Variants in CELF2 observed in about 807,000 individuals in gnomAD.
CELF2 encodes the protein CUG triplet repeat RNA-binding protein 2.
Under a neutral mutation model 62.6 loss-of-function variants are expected in CELF2, and 8 were observed. The observed-to-expected ratio is 0.13, with a 90% CI of 0.07 to 0.23. The LOEUF (loss-of-function observed/expected upper bound fraction) is 0.23, where lower values mean the gene tolerates loss of function less well. Ranked by LOEUF, CELF2 falls within the 10% of genes least tolerant of loss-of-function variation. The pLI, the probability that CELF2 is intolerant of heterozygous loss-of-function variation, is 1.00. For missense variants in CELF2, 333 were observed against 671.0 expected, an observed-to-expected ratio of 0.50 and a Z score of 5.56; for synonymous variants, 258 against 250.0, an observed-to-expected ratio of 1.03 and a Z score of -0.30.
At chr10:10,536,520 C>T in the CELF2 span, among the ~76,000 whole-genome samples, 1 of 152,202 alleles carries the variant, frequency 6.6e-6, no homozygotes, top group African/African-American at 2.4e-5. Context: ...AATCTCAAGA[C>T]ACTGATGAAG....
chr10:10,774,121 A>C, the CELF2 span, among the ~76,000 whole-genome samples: 1 of 152,244 alleles, frequency 6.6e-6, no homozygotes, highest in African/African-American at 2.4e-5. Context: ...AGAGATTTCC[A>C]TAAAGGATTT....
chr10:10,836,575 G>A, intron 1 of CELF2, among the ~76,000 whole-genome samples: 1 of 152,192 alleles, frequency 6.6e-6, no homozygotes, highest in Non-Finnish European at 1.5e-5. Flanking sequence ...TTAATTCTGT[G>A]ATTTTCTTAC....
chr10:10,824,712 C>T lies in CELF2; in HGVS notation c.53+25895C>T, dbSNP rs76134628. Among the ~76,000 whole-genome samples, 121 of 152,358 alleles carry T rather than the reference C, an allele frequency of 7.9e-4. 2 individuals are homozygous for T. The East Asian group carries it at 0.022, about 27-fold the overall frequency. On this transcript the variant is annotated intron_variant, in intron 1 of 13. Transcript: ENST00000636488. ...TATTTAGTCTCTGTTGCTGCACAGA[C>T]TGTGCGTGAATTGCAGCCAGAGGTC...
At position 11,318,521 on chromosome 10, in the gene CELF2, A is replaced by C; in HGVS notation, c.1097-2668A>C. The C allele has an allele frequency of 2.8e-6, 1 of 351,390 alleles. No homozygotes were observed. 21.8% of individuals were successfully genotyped at this position (351,390 alleles called of 1,614,324 possible). A position where few individuals can be genotyped will look rare whatever the true frequency, so the allele number is the denominator to read the frequency against. On this transcript the variant is annotated intron_variant, in intron 10 of 12. Coordinates refer to ENST00000633077, the MANE Select transcript of CELF2 (RefSeq NM_001326342.2). The surrounding 1 kb of genome is among the most constrained non-coding windows in gnomAD (Gnocchi z 5.4). ...ACACGACCCTTCCAGAAAGCAGATT[A>C]GCTCTGAGGTGTAGTCCAGAGACAC...
In CELF2 at chr10:10,844,557, A is replaced by G. The variant is rs144796471; in HGVS notation, c.53+45740A>G. ...CCATTTGCAGTTTTATCCCAGAAAA[A>G]TGAAGAGTGTGGGGAAACTAGCAAA... On this transcript the variant is annotated intron_variant, in intron 1 of 13. Transcript: ENST00000636488. 1.1e-3 allele frequency among the ~76,000 whole-genome samples: 168 copies of G among 152,224 alleles called. 1 individual carries two copies. Among genetic ancestry groups the G allele is most frequent in the African/African-American group, 3.7e-3 (154 of 41,568 alleles).
At chr10:10,942,213 A>C (rs187576699) in intron 2 of CELF2, among the ~76,000 whole-genome samples, 1 of 152,310 alleles carries the variant, frequency 6.6e-6, no homozygotes. Context: ...TATAAAAATG[A>C]TTCCAAAAGT....
In CELF2 at chr10:11,334,835, G is replaced by C. The variant is rs150298098; in HGVS notation, c.*5782G>C. 1.3e-5 allele frequency: 2 copies of C among 152,218 alleles called. No individual in the cohort carries two copies. The highest frequency in any genetic ancestry group is 3.9e-4 in the East Asian group (2 of 5,184). The allele number at this position is 152,218 out of a possible 1,614,324, so 9.4% of individuals were successfully genotyped here. A position where few individuals can be genotyped will look rare whatever the true frequency, so the allele number is the denominator to read the frequency against. ...CTTTCTAAAAGAAGTGAGTTCTCCA[G>C]GGAAGAAAAATCAACTTAGCCAGTG... On this transcript the variant is annotated 3_prime_UTR_variant, in exon 13 of 13. Coordinates refer to ENST00000633077, the MANE Select transcript of CELF2 (RefSeq NM_001326342.2).
chr10:10,556,080 G>C, the CELF2 span, among the ~76,000 whole-genome samples: 1 of 151,894 alleles, frequency 6.6e-6, no homozygotes, highest in African/African-American at 2.4e-5. Flanking sequence ...TGTGCACATT[G>C]TGCAGGTTAG....
intron 2 of CELF2, among the ~76,000 whole-genome samples, chr10:10,989,519 G>A (rs931677206): frequency 6.6e-6 from 1 of 151,994 alleles, no homozygotes; most frequent in South Asian, 2.1e-4. Flanking sequence ...TAATTATGTT[G>A]TATCTTCACC....
the CELF2 span, among the ~76,000 whole-genome samples, chr10:10,791,276 G>A: frequency 6.6e-6 from 1 of 150,936 alleles, no homozygotes; most frequent in African/African-American, 2.4e-5. Flanking sequence ...ATTGAGTGTG[G>A]TAAACTAGCA....
chr10:10,900,151 T>A (rs1367605643), intron 1 of CELF2, among the ~76,000 whole-genome samples: 3 of 151,854 alleles, frequency 2.0e-5, no homozygotes, highest in Admixed American at 6.6e-5. Context: ...ACCAAATATT[T>A]AAAAAAAGAA....
chr10:11,162,261 A>G (rs376600644), intron 1 of CELF2, among the ~76,000 whole-genome samples: 2 of 149,444 alleles, frequency 1.3e-5, no homozygotes, highest in African/African-American at 2.5e-5. Flanking sequence ...GAGAGTGGTC[A>G]ATGGGACAGG....
intron 2 of CELF2, among the ~76,000 whole-genome samples, chr10:11,203,553 G>A (rs761678355): frequency 6.6e-6 from 1 of 152,208 alleles, no homozygotes; most frequent in African/African-American, 2.4e-5. Flanking sequence ...ATCAGGCCAG[G>A]CTTTATCGGG....
At chr10:10,965,259 C>A (rs1454136188) in intron 2 of CELF2, among the ~76,000 whole-genome samples, 1 of 152,100 alleles carries the variant, frequency 6.6e-6, no homozygotes, top group Non-Finnish European at 1.5e-5. Flanking sequence ...ACTGTCCTTT[C>A]AGTTTTCTGT....
chr10:11,326,365 A>C (rs1370545065), intron 12 of CELF2, among the ~76,000 whole-genome samples: 2 of 152,256 alleles, frequency 1.3e-5, no homozygotes, highest in Admixed American at 1.3e-4. Context: ...CCCATTCATC[A>C]GCACCAACAC....
intron 1 of CELF2, among the ~76,000 whole-genome samples, chr10:10,801,291 TA>T: frequency 6.6e-6 from 1 of 152,244 alleles, no homozygotes; most frequent in Non-Finnish European, 1.5e-5. Flanking sequence ...TAACTGTGTG[TA>T]ATCCTTTTCT....
chr10:10,533,304 G>A, the CELF2 span, among the ~76,000 whole-genome samples: 1 of 152,126 alleles, frequency 6.6e-6, no homozygotes, highest in Non-Finnish European at 1.5e-5. Flanking sequence ...ATTTTTAAGG[G>A]TCAAGGGGAG....
In CELF2 at chr10:11,290,982, G is replaced by C. The variant is rs1305482975; in HGVS notation, c.976+2430G>C. ...ACTTTTTGAAAGTCACAGAAAATGT[G>C]GTTAGTAGAATTCATGAATCTCCAC... On this transcript the variant is annotated intron_variant, in intron 9 of 12. Coordinates refer to ENST00000633077, the MANE Select transcript of CELF2 (RefSeq NM_001326342.2). The surrounding 1 kb of genome is among the most constrained non-coding windows in gnomAD (Gnocchi z 4.3). Among the ~76,000 whole-genome samples, 1 of 152,150 alleles carries C rather than the reference G, an allele frequency of 6.6e-6. No homozygotes were observed. The highest frequency in any genetic ancestry group is 1.5e-5 in the Non-Finnish European group (1 of 68,024).
the CELF2 span, among the ~76,000 whole-genome samples, chr10:10,574,873 T>C: frequency 0.6 from 41,795 of 69,190 alleles, 10,246 homozygotes; most frequent in Middle Eastern, 0.63. Context: ...CCATGCCTGG[T>C]TTTTTTTTTT....
Sources: allele counts gnomAD v4.1 joint callset (sites outside exome capture counted in the v4.1 genomes callset), GRCh38; gene constraint gnomAD v4.1.1; non-coding constraint Gnocchi (gnomAD v3.1); transcripts MANE v1.5; gene names NCBI Gene and HGNC (gene_info 2026-07-23, HGNC 2026-07-21).